Variants in WBP2NL observed in about 807,000 individuals in gnomAD.
The protein encoded by WBP2NL is postacrosomal sheath WW domain-binding protein.
Under a neutral mutation model 23.3 loss-of-function variants are expected in WBP2NL, and 27 were observed. The ratio of observed to expected loss-of-function variants is 1.16; its 90% CI spans 0.85 to 1.60. The LOEUF (loss-of-function observed/expected upper bound fraction) is 1.60. WBP2NL is among the 40% of genes most tolerant of loss of function. The pLI, the probability that WBP2NL is intolerant of heterozygous loss-of-function variation, is 0.00. For synonymous variants in WBP2NL, 151 were observed against 145.9 expected (o/e 1.03, Z -0.25); for missense variants, 370 against 389.5 (o/e 0.95, Z 0.42).
At chr22:42,050,639 C>T (rs1925804397) in intron 8 of WBP2NL, among the ~76,000 whole-genome samples, 1 of 149,484 alleles carries the variant, frequency 6.7e-6, no homozygotes, top group Non-Finnish European at 1.5e-5. Flanking sequence ...CAGAGTGAGA[C>T]TCCATTCCCC....
chr22:42,025,122 T>G (rs1206579312), intron 5 of WBP2NL, among the ~76,000 whole-genome samples: 2 of 152,258 alleles, frequency 1.3e-5, no homozygotes, highest in Admixed American at 6.5e-5. Context: ...CAAAGGTTTT[T>G]AATTTTTATC....
chr22:42,014,838 T>C lies in WBP2NL; in HGVS notation c.63-4473T>C, dbSNP rs5751201. Among the ~76,000 whole-genome samples the C allele has an allele frequency of 0.019, 2,859 of 152,340 alleles. 645 individuals carry two copies. The East Asian group carries it at 0.49, about 26-fold the overall frequency. On this transcript the variant is annotated intron_variant, in intron 1 of 5. Transcript: ENST00000328823. ...AATAATTTCTGCCTCTTTATTGATA[T>C]TCTCTACTTCCTGAGACTTTGTTTG...
At chr22:42,057,429 T>C (rs1926081864) in intron 8 of WBP2NL, among the ~76,000 whole-genome samples, 1 of 152,142 alleles carries the variant, frequency 6.6e-6, no homozygotes, top group Non-Finnish European at 1.5e-5. Context: ...TCATTCTTAT[T>C]CTTTCCTTTA....
intron 1 of WBP2NL, among the ~76,000 whole-genome samples, chr22:42,018,328 AAAGAC>A (rs1923521478): frequency 6.7e-6 from 1 of 148,402 alleles, no homozygotes; most frequent in Non-Finnish European, 1.5e-5. Context: ...AAAAAAAAAA[AAAGAC>A]AGAAGAAAGA....
chr22:42,026,712 A>G (rs1015537652), intron 5 of WBP2NL, 54 bp from the exon 6 acceptor site: 5 of 1,576,210 alleles, frequency 3.2e-6, no homozygotes, highest in East Asian at 2.2e-5. Context: ...TCCTTCTCAC[A>G]TATTCCTTGA....
chr22:42,020,330 A>T (rs1923777111), intron 4 of WBP2NL, among the ~76,000 whole-genome samples: 1 of 152,052 alleles, frequency 6.6e-6, no homozygotes, highest in Non-Finnish European at 1.5e-5. Flanking sequence ...ATGAGCCACC[A>T]TGCCCAGCCC....
Position 42,022,347 on chromosome 22 carries a change from C to G in WBP2NL, c.505C>G (p.Pro169Ala), listed in dbSNP as rs1924056858. 6.2e-7 allele frequency: 1 copy of G among 1,611,616 alleles called. No homozygotes were observed. Among genetic ancestry groups the G allele is most frequent in the Non-Finnish European group, 8.5e-7 (1 of 1,178,900 alleles). The change falls in exon 5 of 6, where the codon CCT becomes GCT. Residue 169 changes from proline (P) to alanine (A), a missense_variant. Pro to Ala is a conservative substitution (Grantham distance 27). Coordinates refer to ENST00000328823, the MANE Select transcript of WBP2NL (RefSeq NM_152613.3). ...GEGNMCTPQM[P>A]CSVIVYGAPP... ...AGGGAATATGTGCACTCCACAGATG[C>G]CTTGTTCAGGTAAGGTATGGCAGAG...
intron 1 of WBP2NL, among the ~76,000 whole-genome samples, chr22:42,014,425 C>T (rs1221819785): frequency 1.3e-5 from 2 of 152,060 alleles, no homozygotes; most frequent in African/African-American, 4.8e-5. Flanking sequence ...TAGGGTTTCA[C>T]CATGTTGCCC....
At chr22:42,042,291 G>A (rs1925425680) in intron 8 of WBP2NL, among the ~76,000 whole-genome samples, 1 of 152,082 alleles carries the variant, frequency 6.6e-6, no homozygotes, top group Non-Finnish European at 1.5e-5. Context: ...ACCCCATAAT[G>A]TGTATATTAG....
intron 1 of WBP2NL, among the ~76,000 whole-genome samples, chr22:42,011,379 G>A (rs1227474535): frequency 2.0e-5 from 3 of 151,490 alleles, no homozygotes; most frequent in Non-Finnish European, 4.4e-5. Flanking sequence ...TCAGCCTCCC[G>A]AGTAGCTGGG....
rs150322986 is a variant in WBP2NL at position 41,998,856 on chromosome 22, G to A, written c.38G>A (p.Gly13Glu). The change falls in exon 1 of 6, where the codon GGA (glycine) becomes GAA (glutamate). Residue 13 changes from glycine to glutamate, a missense_variant. Physicochemically the swap from Gly to Glu is moderately conservative, Grantham distance 98 (BLOSUM62 -2). Transcript: ENST00000328823. ...VNQSHTENRR[G>E]ALIPNGESLL... ...CAGAGCCACACCGAGAACCGCCGCG[G>A]AGCCCTCATCCCTAACGGTGAAAGG... The A allele has an allele frequency of 1.2e-6, 2 of 1,612,372 alleles. No individual in the cohort carries two copies. The highest frequency in any genetic ancestry group is 2.7e-5 in the African/African-American group (2 of 74,876).
chr22:42,030,435 G>A (rs967699987), downstream of WBP2NL: 11 of 152,208 alleles, frequency 7.2e-5, no homozygotes, highest in African/African-American at 1.7e-4. Context: ...TATATAGAAA[G>A]TAGCTGCTGC....
intron 8 of WBP2NL, among the ~76,000 whole-genome samples, chr22:42,056,934 C>T (rs1926058616): frequency 6.6e-6 from 1 of 152,094 alleles, no homozygotes; most frequent in South Asian, 2.1e-4. Context: ...AGTTGTAAAT[C>T]TTATTGAGAC....
intron 1 of WBP2NL, chr22:42,001,654 C>T (rs1287940717): frequency 1.7e-6 from 2 of 1,190,442 alleles, no homozygotes; most frequent in Admixed American, 1.7e-5. Context: ...ACTGGGATCT[C>T]TTGTCCACAC....
chr22:42,018,928 A>C (rs577426867), intron 1 of WBP2NL, among the ~76,000 whole-genome samples: 2 of 151,980 alleles, frequency 1.3e-5, no homozygotes, highest in East Asian at 1.9e-4. Context: ...AAAAAAAAAA[A>C]AAAACTACAT....
chr22:42,001,572 G>A, intron 1 of WBP2NL: 1 of 1,134,986 alleles, frequency 8.8e-7, no homozygotes, highest in African/African-American at 1.5e-5. Flanking sequence ...AAATCAAGAG[G>A]GTACACAAAA....
intron 1 of WBP2NL, among the ~76,000 whole-genome samples, chr22:42,000,487 C>G (rs1238838547): frequency 6.6e-6 from 1 of 152,024 alleles, no homozygotes; most frequent in African/African-American, 2.4e-5. Flanking sequence ...TTAGGAGTGA[C>G]TGAAATAAAA....
chr22:42,050,456 G>C (rs1925797635), intron 8 of WBP2NL, among the ~76,000 whole-genome samples: 1 of 152,062 alleles, frequency 6.6e-6, no homozygotes, highest in South Asian at 2.1e-4. Flanking sequence ...GACCAGCCTA[G>C]CCAACATGAC....
chr22:42,034,001 C>G (rs1037479380), downstream of WBP2NL, among the ~76,000 whole-genome samples: 1 of 152,236 alleles, frequency 6.6e-6, no homozygotes, highest in Non-Finnish European at 1.5e-5. Context: ...ACCCAGGAAC[C>G]TGTCTGCCTC....
Sources: gnomAD v4.1 joint callset for allele counts (sites outside exome capture counted in the v4.1 genomes callset) on GRCh38, gnomAD v4.1.1 for gene constraint, MANE v1.5 for transcripts, NCBI Gene and HGNC (gene_info 2026-07-23, HGNC 2026-07-21) for gene names.